P2RY10: variants seen among roughly 807,000 people sequenced by gnomAD.
P2RY10 encodes the protein putative P2Y purinoceptor 10.
In P2RY10, 4 loss-of-function variants were observed where a neutral mutation model predicts 12.1. The observed-to-expected ratio is 0.33, with a 90% confidence interval of 0.16 to 0.76. P2RY10 has a LOEUF of 0.76. Ranked by LOEUF, P2RY10 falls within the 30% of genes least tolerant of loss-of-function variation. P2RY10 has a pLI of 0.61. For missense variants in P2RY10, 233 were observed against 264.6 expected (o/e 0.88, Z 0.83); for synonymous variants, 112 against 94.1 (o/e 1.19, Z -1.10).
At chrX:78,948,070 A>C (rs185619115) in intron 2 of P2RY10, among the ~76,000 whole-genome samples, 1 of 112,091 alleles carries the variant, frequency 8.9e-6, no homozygotes, top group East Asian at 2.8e-4. Context: ...TTGTAGAAAA[A>C]TCTGCTCCAT....
chrX:78,963,452 T>G lies in P2RY10; in HGVS notation c.*1912T>G. On this transcript the variant is annotated 3_prime_UTR_variant, in exon 4 of 4. Transcript: ENST00000171757. Reference sequence around the variant, plus strand: ...CAGTCCTACTCTGAGGAGATGACTTTGGAAGAAACCCATTTGGAACTACAC... The same window carrying G: ...CAGTCCTACTCTGAGGAGATGACTTGGGAAGAAACCCATTTGGAACTACAC... Among the ~76,000 whole-genome samples, 1 of 112,300 alleles carries G rather than the reference T, an allele frequency of 8.9e-6. No individual in the cohort carries two copies. Among genetic ancestry groups the G allele is most frequent in the East Asian group, 2.8e-4 (1 of 3,575 alleles).
At chrX:78,950,417 T>C (rs1390038487) in intron 2 of P2RY10, among the ~76,000 whole-genome samples, 1 of 111,111 alleles carries the variant, frequency 9.0e-6, no homozygotes, top group Non-Finnish European at 1.9e-5. Context: ...AAAGAGTATA[T>C]AAAATTACTG....
At position 78,951,134 on chromosome X, in the gene P2RY10, T is replaced by C. The variant is rs573833128; in HGVS notation, c.-156-1059T>C. ...GGAAGAGCAGCTGCTTTTGGGTAGA[T>C]GGTATTAGTATCTAGTAAGATTTTG... On this transcript the variant is annotated intron_variant, in intron 2 of 3. Coordinates refer to ENST00000171757, the MANE Select transcript of P2RY10 (RefSeq NM_014499.4). Among the ~76,000 whole-genome samples, 14 of 111,884 alleles carry C rather than the reference T, an allele frequency of 1.3e-4. No homozygotes were observed. The South Asian group carries it at 5.3e-3, about 42-fold the overall frequency.
chrX:78,947,043 G>A (rs536735024), intron 1 of P2RY10, among the ~76,000 whole-genome samples: 15 of 110,510 alleles, frequency 1.4e-4, no homozygotes, highest in African/African-American at 3.9e-4. Context: ...GCGAAACCCC[G>A]TTTCTACTAA....
At chrX:78,954,031 A>AT (rs1215646116) in intron 3 of P2RY10, among the ~76,000 whole-genome samples, 1 of 110,278 alleles carries the variant, frequency 9.1e-6, no homozygotes, top group Non-Finnish European at 1.9e-5. Flanking sequence ...CACCCAGCTA[A>AT]TTTTTTTGTT....
chrX:78,957,236 T>C (rs1051677705), intron 3 of P2RY10, among the ~76,000 whole-genome samples: 6 of 109,185 alleles, frequency 5.5e-5, no homozygotes, highest in African/African-American at 2.0e-4. Context: ...CCCACATCCC[T>C]ATGAGACAGG....
chrX:78,950,134 G>C (rs1662779920), intron 2 of P2RY10, among the ~76,000 whole-genome samples: 1 of 111,278 alleles, frequency 9.0e-6, no homozygotes, highest in African/African-American at 3.3e-5. Flanking sequence ...TGATAAACAT[G>C]TTTACTTAGT....
At position 78,962,775 on chromosome X, in the gene P2RY10, A is replaced by C. The variant is rs192590357; in HGVS notation, c.*1235A>C. 9.1e-6 allele frequency among the ~76,000 whole-genome samples: 1 copy of C among 110,426 alleles called. No individual in the cohort carries two copies. The highest frequency in any genetic ancestry group is 1.9e-5 in the Non-Finnish European group (1 of 52,979). On this transcript the variant is annotated 3_prime_UTR_variant, in exon 4 of 4. Transcript: ENST00000171757. Reference sequence around the variant, plus strand: ...TACAAGTCCTACAAACCTCATAAGTAGGTGAAAAAAAAAACCCTGTGGAGT... The same window carrying C: ...TACAAGTCCTACAAACCTCATAAGTCGGTGAAAAAAAAAACCCTGTGGAGT...
chrX:78,950,067 C>T (rs1212756582), intron 2 of P2RY10, among the ~76,000 whole-genome samples: 1 of 111,944 alleles, frequency 8.9e-6, no homozygotes, highest in Admixed American at 9.5e-5. Context: ...TCTTCCCCTC[C>T]CAGGATGACA....
chrX:78,952,434 T>C (rs1922146892), intron 3 of P2RY10, 99 bp downstream of exon 3: 1 of 436,057 alleles, frequency 2.3e-6, no homozygotes, highest in Admixed American at 9.2e-5. Flanking sequence ...AAGTACTGAC[T>C]GAAGTGAGGT....
Position 78,954,211 on chromosome X carries a change from C to T in P2RY10, c.-14+1876C>T, listed in dbSNP as rs919238043. Among the ~76,000 whole-genome samples the T allele has an allele frequency of 7.2e-5, 8 of 111,083 alleles. No individual in the cohort carries two copies. In the East Asian group the frequency reaches 1.1e-3, roughly 16 times the overall value. On this transcript the variant is annotated intron_variant, in intron 3 of 3. Coordinates refer to ENST00000171757, the MANE Select transcript of P2RY10 (RefSeq NM_014499.4). ...TTCTAAAACACAAGTATGATGATAT[C>T]GCATCTCTTCACAGAATCCTTTGAT...
chrX:78,957,751 A>G (rs939600180), intron 3 of P2RY10, among the ~76,000 whole-genome samples: 5 of 111,869 alleles, frequency 4.5e-5, no homozygotes, highest in Non-Finnish European at 9.4e-5. Context: ...CTCACAATGA[A>G]CTGTGAATTG....
Position 78,961,216 on chromosome X carries a change from C to A in P2RY10, c.696C>A (p.Phe232Leu). Residue 232 changes from phenylalanine (F) to leucine (L), a missense_variant, in exon 4 of 4, where the codon TTC (phenylalanine) becomes TTA (leucine). By Grantham distance (22) the Phe-to-Leu change is conservative. Transcript: ENST00000171757. Reference protein sequence around the residue: ...TISLRQPPMAFQGISERQKAL... With the variant: ...TISLRQPPMALQGISERQKAL... The stretch of plus-strand genomic sequence containing the variant: ...CCTTGAGACAGCCACCAATGGCTTT[C>A]CAAGGGATCAGTGAGAGGCAGAAAG... 8.3e-7 allele frequency: 1 copy of A among 1,210,243 alleles called. No individual in the cohort carries two copies. Among genetic ancestry groups the A allele is most frequent in the Non-Finnish European group, 1.1e-6 (1 of 894,101 alleles).
chrX:78,952,397 C>G, intron 3 of P2RY10, 62 bp downstream of exon 3: 2 of 649,091 alleles, frequency 3.1e-6, no homozygotes, highest in Non-Finnish European at 3.7e-6. Flanking sequence ...CTATTCTCAC[C>G]TCTTTCTGGG....
chrX:78,948,220 T>C (rs993376800), intron 2 of P2RY10, among the ~76,000 whole-genome samples: 24 of 112,349 alleles, frequency 2.1e-4, no homozygotes, highest in African/African-American at 7.4e-4. Context: ...ATAAGGAATA[T>C]GTTTTATCAA....
Position 78,963,529 on chromosome X carries a change from T to A in P2RY10, c.*1989T>A, listed in dbSNP as rs1922736917. The stretch of plus-strand genomic sequence containing the variant: ...AACTGCAATCCTCAAGAGTCACACT[T>A]CATATTCCTTCCTTTCAAGTGGTTG... On this transcript the variant is annotated 3_prime_UTR_variant, in exon 4 of 4. Transcript: ENST00000171757. 8.9e-6 allele frequency among the ~76,000 whole-genome samples: 1 copy of A among 112,320 alleles called. No homozygotes were observed. Among genetic ancestry groups the A allele is most frequent in the Non-Finnish European group, 1.9e-5 (1 of 53,269 alleles).
chrX:78,955,736 A>C (rs1433677990), intron 3 of P2RY10, among the ~76,000 whole-genome samples: 1 of 112,423 alleles, frequency 8.9e-6, no homozygotes, highest in Non-Finnish European at 1.9e-5. Context: ...TGATCTCAAA[A>C]TATTTTAAAG....
At position 78,952,330 on chromosome X, in the gene P2RY10, C is replaced by G. The variant is rs1026914466; in HGVS notation, c.-19C>G. On this transcript the variant is annotated 5_prime_UTR_variant, in exon 3 of 4. Coordinates refer to ENST00000171757, the MANE Select transcript of P2RY10 (RefSeq NM_014499.4). The stretch of plus-strand genomic sequence containing the variant: ...TGTACCCTGGACAGAGCACTTCAAA[C>G]TAGAGGTACCAAGAGTAATTACTTC... 6.7e-6 allele frequency: 5 copies of G among 749,457 alleles called. No individual in the cohort carries two copies. The African/African-American group carries it at 7.0e-5, about 10-fold the overall frequency. 61.8% of individuals were successfully genotyped at this position (749,457 alleles called of 1,213,427 possible).
chrX:78,950,692 G>T (rs1035062705), intron 2 of P2RY10, among the ~76,000 whole-genome samples: 1 of 111,863 alleles, frequency 8.9e-6, no homozygotes, highest in African/African-American at 3.2e-5. Context: ...GCATAAAACT[G>T]CTAGAACTAG....
Sources: gnomAD v4.1 joint callset for allele counts (sites outside exome capture counted in the v4.1 genomes callset) on GRCh38, gnomAD v4.1.1 for gene constraint, MANE v1.5 for transcripts, NCBI Gene and HGNC (gene_info 2026-07-23, HGNC 2026-07-21) for gene names.